Variants in POPDC1 observed in about 807,000 individuals in gnomAD.
The protein encoded by POPDC1 is popeye domain-containing protein 1.
the POPDC1 span, chr6:105,101,131 T>C: frequency 1.2e-6 from 2 of 1,613,812 alleles, no homozygotes; most frequent in Non-Finnish European, 1.7e-6. Flanking sequence ...GAGATGCCGG[T>C]TCAAAAACGT....
chr6:105,117,099 T>A, the POPDC1 span, among the ~76,000 whole-genome samples: 1 of 152,206 alleles, frequency 6.6e-6, no homozygotes, highest in Non-Finnish European at 1.5e-5. Context: ...GTTTCCTTGT[T>A]GTTTTGTTTT....
chr6:105,125,471 T>C, the POPDC1 span: 1 of 1,614,066 alleles, frequency 6.2e-7, no homozygotes, highest in African/African-American at 1.3e-5. Context: ...TTTTCAAGGT[T>C]TGGATCATGC....
chr6:105,132,406 G>T, the POPDC1 span, among the ~76,000 whole-genome samples: 1 of 152,128 alleles, frequency 6.6e-6, no homozygotes, highest in Non-Finnish European at 1.5e-5. Flanking sequence ...CAGGTCCCAT[G>T]TCACCTCCTC....
the POPDC1 span, chr6:105,133,349 T>C: frequency 5.0e-6 from 8 of 1,605,830 alleles, no homozygotes; most frequent in Non-Finnish European, 4.3e-6. Flanking sequence ...TTAGGTATCT[T>C]ACCTAGAGTT....
At chr6:105,116,759 A>G in the POPDC1 span, 49 of 1,611,920 alleles carry the variant, frequency 3.0e-5, no homozygotes, top group Non-Finnish European at 3.6e-5. Flanking sequence ...GTCTTTTCCA[A>G]TAAGATACCT....
the POPDC1 span, among the ~76,000 whole-genome samples, chr6:105,105,350 T>C: frequency 6.6e-6 from 1 of 152,194 alleles, no homozygotes; most frequent in South Asian, 2.1e-4. Context: ...GAGTGTCCAC[T>C]CTTTGTACCA....
At chr6:105,100,562 ATATATATGTATGTATG>A in the POPDC1 span, 4 of 138,870 alleles carry the variant, frequency 2.9e-5, no homozygotes, top group African/African-American at 1.2e-4. Context: ...GTATATATAT[ATATATATGTATGTATG>A]TATGTGTGTG....
At chr6:105,116,908 A>T in the POPDC1 span, 1 of 1,569,486 alleles carries the variant, frequency 6.4e-7, no homozygotes, top group Non-Finnish European at 8.7e-7. Flanking sequence ...AAGTACATCT[A>T]TGTATATGAA....
At chr6:105,114,821 G>A in the POPDC1 span, among the ~76,000 whole-genome samples, 2 of 152,224 alleles carry the variant, frequency 1.3e-5, no homozygotes, top group Non-Finnish European at 2.9e-5. Flanking sequence ...GAATGAGGTA[G>A]CTCACAAGGG....
chr6:105,115,134 TGGA>T, the POPDC1 span, among the ~76,000 whole-genome samples: 1 of 152,278 alleles, frequency 6.6e-6, no homozygotes, highest in African/African-American at 2.4e-5. Flanking sequence ...TCGCCCAGGC[TGGA>T]GTGCAGTGGC....
chr6:105,103,818 T>A, the POPDC1 span, among the ~76,000 whole-genome samples: 2 of 152,030 alleles, frequency 1.3e-5, no homozygotes, highest in Non-Finnish European at 2.9e-5. Flanking sequence ...CCCTCCCAAC[T>A]CTCTCACCTA....
At chr6:105,103,475 A>C in the POPDC1 span, among the ~76,000 whole-genome samples, 137,640 of 149,780 alleles carry the variant, frequency 0.92, 63,372 homozygotes, top group Non-Finnish European at 0.95. Flanking sequence ...TCTTTAAAAA[A>C]AAAAAAAAAA....
the POPDC1 span, among the ~76,000 whole-genome samples, chr6:105,113,958 A>AC: frequency 3.9e-5 from 6 of 152,046 alleles, no homozygotes; most frequent in African/African-American, 1.4e-4. Flanking sequence ...ACACACACAA[A>AC]AAAAACAAAA....
chr6:105,102,858 C>A, the POPDC1 span, among the ~76,000 whole-genome samples: 1 of 152,290 alleles, frequency 6.6e-6, no homozygotes, highest in South Asian at 2.1e-4. Flanking sequence ...TGTGGTACAG[C>A]TAATGTATAC....
the POPDC1 span, chr6:105,115,560 G>T: frequency 8.3e-7 from 1 of 1,200,754 alleles, no homozygotes; most frequent in Non-Finnish European, 1.2e-6. Context: ...TGTTTTTATT[G>T]TTACCTTTAG....
chr6:105,133,050 C>G, the POPDC1 span, among the ~76,000 whole-genome samples: 2 of 152,086 alleles, frequency 1.3e-5, no homozygotes, highest in African/African-American at 2.4e-5. Context: ...AGAAATAGAA[C>G]CAGGATTTGA....
the POPDC1 span, among the ~76,000 whole-genome samples, chr6:105,108,738 CAG>C: frequency 6.6e-6 from 1 of 152,184 alleles, no homozygotes. Flanking sequence ...ACATTGGAAA[CAG>C]AAATAAATGT....
At chr6:105,122,127 C>G in the POPDC1 span, among the ~76,000 whole-genome samples, 1 of 152,214 alleles carries the variant, frequency 6.6e-6, no homozygotes, top group African/African-American at 2.4e-5. Context: ...TCTTGAGGAT[C>G]TGCCAACAGG....
At chr6:105,133,478 A>G in the POPDC1 span, 2 of 1,613,938 alleles carry the variant, frequency 1.2e-6, no homozygotes, top group Non-Finnish European at 8.5e-7. Flanking sequence ...CAGTTTTCAC[A>G]AGTGGTCTTA....
Sources: allele counts gnomAD v4.1 joint callset (sites outside exome capture counted in the v4.1 genomes callset), GRCh38; gene constraint gnomAD v4.1.1; transcripts MANE v1.5; gene names NCBI Gene and HGNC (gene_info 2026-07-23, HGNC 2026-07-21).